NKAIN3: variants seen among roughly 807,000 people sequenced by gnomAD.
The protein encoded by NKAIN3 is sodium/potassium-transporting ATPase subunit beta-1-interacting protein 3.
A neutral mutation model predicts 30.2 loss-of-function variants in NKAIN3; 25 were observed. That is an observed-to-expected ratio of 0.83 (90% CI 0.60 to 1.16). The LOEUF (loss-of-function observed/expected upper bound fraction) is 1.16. Among genes scored for constraint, NKAIN3 ranks in the 50% most tolerant of loss-of-function variants. NKAIN3 has a pLI of 0.00. For missense variants in NKAIN3, 225 were observed against 254.1 expected (o/e 0.89, Z 0.78); for synonymous variants, 91 against 89.6 (o/e 1.02, Z -0.09).
intron 1 of NKAIN3, among the ~76,000 whole-genome samples, chr8:62,327,392 A>T (rs902308020): frequency 6.6e-6 from 1 of 152,004 alleles, no homozygotes; most frequent in African/African-American, 2.4e-5. Flanking sequence ...GTAATTTCCA[A>T]ATCTGATGTT....
At chr8:62,720,660 C>T (rs965443888) in intron 3 of NKAIN3, among the ~76,000 whole-genome samples, 4 of 152,246 alleles carry the variant, frequency 2.6e-5, no homozygotes, top group Admixed American at 2.6e-4. Context: ...TTTTCTATAG[C>T]ATATTCTCCA....
intron 1 of NKAIN3, among the ~76,000 whole-genome samples, chr8:62,340,034 C>A (rs1040207565): frequency 6.6e-6 from 1 of 151,946 alleles, no homozygotes; most frequent in Non-Finnish European, 1.5e-5. Context: ...CTAGCTGACA[C>A]TGATATGGGA....
chr8:62,771,276 G>C (rs1188030281), intron 4 of NKAIN3, among the ~76,000 whole-genome samples: 4 of 151,592 alleles, frequency 2.6e-5, no homozygotes, highest in African/African-American at 9.7e-5. Flanking sequence ...AAAAATAAAT[G>C]AATAAATACA....
At chr8:62,435,812 A>T (rs1368296073) in intron 1 of NKAIN3, among the ~76,000 whole-genome samples, 1 of 152,222 alleles carries the variant, frequency 6.6e-6, no homozygotes, top group Non-Finnish European at 1.5e-5. Context: ...TGTACATCTA[A>T]GTATTCATAA....
intron 1 of NKAIN3, among the ~76,000 whole-genome samples, chr8:62,394,659 C>CA (rs1563378532): frequency 6.6e-6 from 1 of 151,438 alleles, no homozygotes; most frequent in African/African-American, 2.4e-5. Flanking sequence ...ACTTCCCAGA[C>CA]CTGGCGGCAG....
chr8:62,855,438 A>G, intron 4 of NKAIN3: 2 of 1,127,518 alleles, frequency 1.8e-6, no homozygotes, highest in South Asian at 1.2e-5. Flanking sequence ...TCTTCTGAAT[A>G]CTTCATCTTG....
chr8:62,890,280 T>A (rs752987943), intron 4 of NKAIN3, among the ~76,000 whole-genome samples: 2 of 152,208 alleles, frequency 1.3e-5, no homozygotes, highest in Non-Finnish European at 2.9e-5. Context: ...ATAAGTATAC[T>A]CAATACCAAA....
At chr8:62,838,810 T>C (rs1329386302) in intron 4 of NKAIN3, among the ~76,000 whole-genome samples, 2 of 152,164 alleles carry the variant, frequency 1.3e-5, no homozygotes, top group Admixed American at 1.3e-4. Flanking sequence ...AAAATGTAAA[T>C]GTGCCAGACA....
chr8:62,960,697 C>T (rs936297179), intron 6 of NKAIN3, among the ~76,000 whole-genome samples: 1 of 148,090 alleles, frequency 6.8e-6, no homozygotes, highest in Non-Finnish European at 1.5e-5. Flanking sequence ...TGGGAAGAAA[C>T]AATATACAGG....
chr8:62,532,078 G>C (rs1808506642), intron 1 of NKAIN3, among the ~76,000 whole-genome samples: 1 of 152,176 alleles, frequency 6.6e-6, no homozygotes, highest in South Asian at 2.1e-4. Context: ...TTTGATGTCT[G>C]TTCTTGGGTT....
intron 4 of NKAIN3, among the ~76,000 whole-genome samples, chr8:62,757,055 C>T (rs571079825): frequency 3.9e-5 from 6 of 152,148 alleles, no homozygotes; most frequent in Non-Finnish European, 7.4e-5. Flanking sequence ...AATTAGAAAT[C>T]GTATCTAGTA....
chr8:62,310,255 G>A (rs1307391399), intron 1 of NKAIN3, among the ~76,000 whole-genome samples: 3 of 150,310 alleles, frequency 2.0e-5, no homozygotes, highest in Admixed American at 6.6e-5. Context: ...ATGATAAATG[G>A]CATTGAAGTT....
In NKAIN3 at chr8:62,506,476, C is replaced by CTTTTTTTTTTTT. The variant is rs71255341; in HGVS notation, c.55-73058_55-73047dup. Among the ~76,000 whole-genome samples, 73 of 98,452 alleles carry CTTTTTTTTTTTT rather than the reference C, an allele frequency of 7.4e-4. 2 individuals carry two copies. Among genetic ancestry groups the CTTTTTTTTTTTT allele is most frequent in the African/African-American group, 1.6e-3 (39 of 24,272 alleles). 64.6% of individuals were successfully genotyped at this position (98,452 alleles called of 152,430 possible). A position where few individuals can be genotyped will look rare whatever the true frequency, so the allele number is the denominator to read the frequency against. On this transcript the variant is annotated intron_variant, in intron 1 of 6. Transcript: ENST00000623646. ...TCTGCTTTTTCTTTTTTCTTTCTTT[C>CTTTTTTTTTTTT]TTTTTTTTTTTTTTTTGAGACAGAG...
chr8:62,849,450 AT>A (rs550261813), intron 4 of NKAIN3, among the ~76,000 whole-genome samples: 187 of 151,390 alleles, frequency 1.2e-3, no homozygotes, highest in African/African-American at 4.3e-3. Context: ...TTTTATGGAA[AT>A]TTTTTTTATT....
chr8:62,279,860 CT>C, intron 1 of NKAIN3, among the ~76,000 whole-genome samples: 1 of 152,240 alleles, frequency 6.6e-6, no homozygotes, highest in Admixed American at 6.5e-5. Flanking sequence ...AATGTGGGCT[CT>C]TTTTTGGTTC....
intron 4 of NKAIN3, among the ~76,000 whole-genome samples, chr8:62,900,819 A>G (rs1821591747): frequency 6.6e-6 from 1 of 152,176 alleles, no homozygotes; most frequent in African/African-American, 2.4e-5. Context: ...GGTAAAAGTT[A>G]AACTGAGATC....
intron 1 of NKAIN3, among the ~76,000 whole-genome samples, chr8:62,255,592 AG>A (rs1399335761): frequency 6.6e-6 from 1 of 152,234 alleles, no homozygotes; most frequent in Non-Finnish European, 1.5e-5. Flanking sequence ...GTATGTTTTA[AG>A]GTAGAACAAA....
At chr8:62,882,701 T>C (rs1478835249) in intron 4 of NKAIN3, among the ~76,000 whole-genome samples, 1 of 152,172 alleles carries the variant, frequency 6.6e-6, no homozygotes, top group African/African-American at 2.4e-5. Context: ...TATAGTTTTG[T>C]GTTTTACATT....
intron 3 of NKAIN3, among the ~76,000 whole-genome samples, chr8:62,678,149 G>T (rs1813537291): frequency 6.6e-6 from 1 of 152,116 alleles, no homozygotes; most frequent in African/African-American, 2.4e-5. Context: ...TAAAGGTTAG[G>T]GACCCTAAAA....
Sources: allele counts gnomAD v4.1 joint callset (sites outside exome capture counted in the v4.1 genomes callset), GRCh38; gene constraint gnomAD v4.1.1; transcripts MANE v1.5; gene names NCBI Gene and HGNC (gene_info 2026-07-23, HGNC 2026-07-21).